Variants in ZNF721 observed in about 807,000 individuals in gnomAD.
ZNF721 encodes the protein zinc finger protein 721.
A neutral mutation model predicts 2.4 loss-of-function variants in ZNF721; 2 were observed. The observed-to-expected ratio is 0.82, with a 90% CI of 0.34 to 2.58. ZNF721 has a LOEUF of 2.58. ZNF721 is among the 30% of genes most tolerant of loss of function. ZNF721 has a pLI of 0.11. For synonymous variants in ZNF721, 398 were observed against 381.8 expected, an observed-to-expected ratio of 1.04 and a Z score of -0.50; for missense variants, 1,187 against 1,085.5, an observed-to-expected ratio of 1.09 and a Z score of -1.31.
chr4:456,371 A>G (rs1576958631), intron 2 of ZNF721, among the ~76,000 whole-genome samples: 1 of 152,082 alleles, frequency 6.6e-6, no homozygotes, highest in African/African-American at 2.4e-5. Flanking sequence ...TGCCCGGCCT[A>G]TCAAAAAAAT....
At chr4:485,140 T>G (rs1263973000) in intron 1 of ZNF721, among the ~76,000 whole-genome samples, 1 of 152,142 alleles carries the variant, frequency 6.6e-6, no homozygotes, top group African/African-American at 2.4e-5. Context: ...CCCAAATGGC[T>G]GGGATTACAG....
At chr4:460,593 G>A (rs1432429468) in intron 2 of ZNF721, among the ~76,000 whole-genome samples, 1 of 133,190 alleles carries the variant, frequency 7.5e-6, no homozygotes, top group South Asian at 2.4e-4. Flanking sequence ...GATCAGAGCA[G>A]AACTGGAGGA....
chr4:492,963 C>T lies in ZNF721; in HGVS notation c.-94+6093G>A, dbSNP rs183347879. Among the ~76,000 whole-genome samples the T allele has an allele frequency of 5.9e-5, 9 of 151,772 alleles. No homozygotes were observed. The East Asian group carries it at 9.6e-4, about 16-fold the overall frequency. ...ACTTTTTTTTGGGAAAGGTTTTCCT[C>T]CAATACATTTTTATTGGAAAATACC... On this transcript the variant is annotated intron_variant, in intron 1 of 2. Transcript: ENST00000511833.
intron 1 of ZNF721, among the ~76,000 whole-genome samples, chr4:488,481 AC>A (rs1715948071): frequency 6.6e-6 from 1 of 152,198 alleles, no homozygotes; most frequent in Admixed American, 6.5e-5. Flanking sequence ...AGATCTGAAG[AC>A]ATGGTGGTCT....
intron 2 of ZNF721, among the ~76,000 whole-genome samples, chr4:445,636 T>C (rs907326789): frequency 6.6e-6 from 1 of 151,544 alleles, no homozygotes; most frequent in Non-Finnish European, 1.5e-5. Flanking sequence ...CTAAATGTAA[T>C]CAGAAAAATC....
At chr4:498,746 G>C (rs1553873314) in intron 1 of ZNF721, among the ~76,000 whole-genome samples, 1 of 96,982 alleles carries the variant, frequency 1.0e-5, no homozygotes, top group African/African-American at 3.1e-5. Flanking sequence ...TTTTTTTTGA[G>C]ACGCAGTCTC....
At position 444,210 on chromosome 4, in the gene ZNF721, C is replaced by T. The variant is rs138616762; in HGVS notation, c.257G>A (p.Arg86His). 7.1e-5 allele frequency: 114 copies of T among 1,613,512 alleles called. No homozygotes were observed. The African/African-American group carries it at 9.5e-4, about 13-fold the overall frequency. Residue 86 changes from arginine (R) to histidine (H), a missense_variant, in exon 3 of 3, where the codon CGT becomes CAT. Coordinates refer to ENST00000511833, the MANE Select transcript of ZNF721 (RefSeq NM_133474.4). ...TGCAAATTTACTAAAAACTTTGACA[C>T]GTGCATTACATTGAAATATTTTGCT... ...TQSKIFQCNA[R>H]VKVFSKFANS... is the part of the protein sequence containing the mutation.
chr4:498,337 C>G (rs1307078315), intron 1 of ZNF721, among the ~76,000 whole-genome samples: 1 of 151,184 alleles, frequency 6.6e-6, no homozygotes, highest in Non-Finnish European at 1.5e-5. Flanking sequence ...GTTGCAGTTT[C>G]TGGGTTTCTG....
chr4:459,060 T>A (rs1553865715), intron 2 of ZNF721, among the ~76,000 whole-genome samples: 2 of 152,134 alleles, frequency 1.3e-5, no homozygotes, highest in Admixed American at 1.3e-4. Context: ...AAACCAAGCT[T>A]CATAAGCGAA....
chr4:494,151 T>C (rs1204453058), intron 1 of ZNF721, among the ~76,000 whole-genome samples: 16 of 151,984 alleles, frequency 1.1e-4, no homozygotes, highest in African/African-American at 3.9e-4. Context: ...CATAAACACA[T>C]AGACATATTA....
chr4:444,463 A>G (rs1553863942), intron 2 of ZNF721, 31 bp from the exon 3 acceptor site: 2 of 1,530,770 alleles, frequency 1.3e-6, no homozygotes, highest in Admixed American at 4.3e-5. Context: ...AAATTATCCC[A>G]GTTACTAGAT....
chr4:498,954 G>C (rs376500955), intron 1 of ZNF721, 102 bp downstream of exon 1: 1 of 231,188 alleles, frequency 4.3e-6, no homozygotes, highest in South Asian at 4.6e-5. Context: ...TCGATCTCCT[G>C]ACCTCGTGAT....
At chr4:488,575 T>C (rs1715949972) in intron 1 of ZNF721, among the ~76,000 whole-genome samples, 1 of 152,190 alleles carries the variant, frequency 6.6e-6, no homozygotes, top group Admixed American at 6.5e-5. Context: ...CTCACACCTG[T>C]GATCCCAGCA....
intron 2 of ZNF721, among the ~76,000 whole-genome samples, chr4:464,662 A>G (rs1553866510): frequency 1.3e-5 from 2 of 152,178 alleles, no homozygotes; most frequent in African/African-American, 4.8e-5. Context: ...CATAGAGGTT[A>G]ACTTTTGCTT....
chr4:484,234 T>A (rs1715837123), intron 1 of ZNF721, among the ~76,000 whole-genome samples: 1 of 152,248 alleles, frequency 6.6e-6, no homozygotes, highest in Admixed American at 6.5e-5. Flanking sequence ...TGTGACTTCC[T>A]ATGCCTGTCT....
In ZNF721 at chr4:443,884, C is replaced by G. The variant is rs781971482; in HGVS notation, c.583G>C (p.Gly195Arg). 16 of 1,613,668 alleles carry G rather than the reference C, an allele frequency of 9.9e-6. No homozygotes were observed. The East Asian group carries it at 3.6e-4, about 36-fold the overall frequency. Residue 195 changes from glycine to arginine, a missense_variant, in exon 3 of 3, where the codon GGT becomes CGT. Physicochemically the swap from Gly to Arg is moderately radical, Grantham distance 125. Coordinates refer to ENST00000511833, the MANE Select transcript of ZNF721 (RefSeq NM_133474.4). ...CCAAAGGCTCTGTCACGATCTTCACCTGTGTAAGCTTTCTCTCTGTTGTGA... is the reference window on the plus strand; with the variant it reads ...CCAAAGGCTCTGTCACGATCTTCACGTGTGTAAGCTTTCTCTCTGTTGTGA... ...RIHNREKAYT[G>R]EDRDRAFGWS...
At chr4:458,768 C>T (rs1714921394) in intron 2 of ZNF721, among the ~76,000 whole-genome samples, 1 of 152,112 alleles carries the variant, frequency 6.6e-6, no homozygotes, top group Non-Finnish European at 1.5e-5. Flanking sequence ...ATCGCTGGAA[C>T]CCAGGGGGCA....
At chr4:470,748 C>T (rs1426922231) in intron 2 of ZNF721, among the ~76,000 whole-genome samples, 1 of 151,924 alleles carries the variant, frequency 6.6e-6, no homozygotes, top group African/African-American at 2.4e-5. Context: ...GAAGGCTGGG[C>T]GCAGCAGCTC....
intron 1 of ZNF721, among the ~76,000 whole-genome samples, chr4:477,818 A>G (rs1715671218): frequency 1.3e-5 from 2 of 152,184 alleles, no homozygotes; most frequent in African/African-American, 4.8e-5. Flanking sequence ...ATAAATATGG[A>G]TTTGACCGCT....
Sources: allele counts gnomAD v4.1 joint callset (sites outside exome capture counted in the v4.1 genomes callset), GRCh38; gene constraint gnomAD v4.1.1; transcripts MANE v1.5; gene names NCBI Gene and HGNC (gene_info 2026-07-23, HGNC 2026-07-21).